XKR6: variants seen among roughly 807,000 people sequenced by gnomAD.
XKR6 encodes the protein XK related 6, also known as XK-related protein 6.
A neutral mutation model predicts 56.7 loss-of-function variants in XKR6; 22 were observed. That is an observed-to-expected ratio of 0.39 (90% confidence interval 0.28 to 0.55). The LOEUF (loss-of-function observed/expected upper bound fraction) is 0.55, where lower values mean the gene tolerates loss of function less well. XKR6 is among the 20% of genes least tolerant of loss of function. XKR6 has a pLI of 0.66. For synonymous variants in XKR6, 524 were observed against 387.8 expected (o/e 1.35, Z -4.13); for missense variants, 852 against 889.0 (o/e 0.96, Z 0.53).
At chr8:11,131,652 G>C (rs1800109455) in intron 1 of XKR6, among the ~76,000 whole-genome samples, 2 of 152,100 alleles carry the variant, frequency 1.3e-5, no homozygotes, top group Non-Finnish European at 2.9e-5. Flanking sequence ...TTCCAGTCAT[G>C]CAACACATTC....
chr8:11,162,953 G>A (rs28530758), intron 1 of XKR6, among the ~76,000 whole-genome samples: 8,304 of 152,166 alleles, frequency 0.055, 662 homozygotes, highest in African/African-American at 0.18. Flanking sequence ...CTAGCTAATC[G>A]TTTTGGACCA....
chr8:10,957,813 T>C (rs1801940327), intron 1 of XKR6, among the ~76,000 whole-genome samples: 1 of 152,052 alleles, frequency 6.6e-6, no homozygotes, highest in African/African-American at 2.4e-5. Context: ...TCCACACAGA[T>C]CATGTTGGTT....
chr8:11,139,633 C>A (rs192155095), intron 1 of XKR6, among the ~76,000 whole-genome samples: 143 of 152,158 alleles, frequency 9.4e-4, no homozygotes, highest in African/African-American at 3.3e-3. Flanking sequence ...AGTGCTGGGA[C>A]TGGATTCAAA....
At chr8:11,003,827 T>C (rs761535798) in intron 1 of XKR6, among the ~76,000 whole-genome samples, 21 of 152,130 alleles carry the variant, frequency 1.4e-4, no homozygotes, top group Non-Finnish European at 2.9e-4. Context: ...GAGAAGGGTG[T>C]GGTTAATTCT....
At chr8:10,955,826 C>T (rs1316351173) in intron 1 of XKR6, among the ~76,000 whole-genome samples, 1 of 152,244 alleles carries the variant, frequency 6.6e-6, no homozygotes, top group African/African-American at 2.4e-5. Context: ...TCCAGGCCCA[C>T]ACTGGACACT....
intron 1 of XKR6, among the ~76,000 whole-genome samples, chr8:11,112,638 G>C (rs760596076): frequency 3.9e-5 from 6 of 152,138 alleles, no homozygotes; most frequent in Non-Finnish European, 7.3e-5. Flanking sequence ...CAACACATCA[G>C]GAGATATGGT....
At chr8:11,180,241 G>A (rs1408206623) in intron 1 of XKR6, among the ~76,000 whole-genome samples, 1 of 152,248 alleles carries the variant, frequency 6.6e-6, no homozygotes, top group African/African-American at 2.4e-5. Context: ...GGAATGAACA[G>A]AACCAGCTTT....
chr8:10,947,226 A>C (rs1358500665), intron 1 of XKR6, among the ~76,000 whole-genome samples: 1 of 152,194 alleles, frequency 6.6e-6, no homozygotes, highest in Non-Finnish European at 1.5e-5. Flanking sequence ...AGAGAAAATG[A>C]AGACACGTCT....
At chr8:11,018,504 C>T (rs146433102) in intron 1 of XKR6, among the ~76,000 whole-genome samples, 1 of 152,184 alleles carries the variant, frequency 6.6e-6, no homozygotes, top group Non-Finnish European at 1.5e-5. Context: ...ATGGGGGTCC[C>T]CAGGGAGAGG....
intron 1 of XKR6, among the ~76,000 whole-genome samples, chr8:11,155,021 C>T (rs1482578421): frequency 2.0e-5 from 3 of 152,300 alleles, no homozygotes; most frequent in Non-Finnish European, 2.9e-5. Context: ...TCATATTATC[C>T]GAGCTGCGTT....
intron 1 of XKR6, chr8:11,035,245 A>G (rs202198879): frequency 1.9e-5 from 10 of 534,536 alleles, no homozygotes; most frequent in Non-Finnish European, 3.8e-5. Context: ...ATGACGTAGC[A>G]CCCCATTTCC....
intron 1 of XKR6, chr8:11,137,381 T>C (rs906121981): frequency 2.9e-6 from 1 of 339,416 alleles, no homozygotes; most frequent in African/African-American, 2.2e-5. Flanking sequence ...ATAATAGAAA[T>C]CTTTCTTCAT....
chr8:10,964,066 A>G (rs184821711), intron 1 of XKR6, among the ~76,000 whole-genome samples: 3 of 152,316 alleles, frequency 2.0e-5, no homozygotes, highest in African/African-American at 7.2e-5. Flanking sequence ...AACACAGAGT[A>G]CCTACCACTC....
intron 1 of XKR6, among the ~76,000 whole-genome samples, chr8:10,944,935 C>G (rs540465409): frequency 9.2e-5 from 14 of 152,262 alleles, no homozygotes; most frequent in African/African-American, 2.4e-4. Flanking sequence ...TTCCAGGGTC[C>G]CAGGGGACAT....
At chr8:11,193,058 G>C (rs528932262) in intron 1 of XKR6, among the ~76,000 whole-genome samples, 2 of 152,224 alleles carry the variant, frequency 1.3e-5, no homozygotes, top group Non-Finnish European at 2.9e-5. Context: ...CTACCCATGA[G>C]TGAAAGCATG....
chr8:10,912,276 G>T (rs1177406230), intron 2 of XKR6, among the ~76,000 whole-genome samples: 2 of 80,286 alleles, frequency 2.5e-5, no homozygotes, highest in African/African-American at 9.2e-5. Flanking sequence ...AGAGAGAAAT[G>T]GTGTGTATAT....
At chr8:11,185,734 G>C (rs747294261) in intron 1 of XKR6, among the ~76,000 whole-genome samples, 1 of 152,144 alleles carries the variant, frequency 6.6e-6, no homozygotes, top group Non-Finnish European at 1.5e-5. Flanking sequence ...ACACTGATGA[G>C]TCTTGGGCAC....
chr8:11,171,543 T>C (rs1424130964), intron 1 of XKR6, among the ~76,000 whole-genome samples: 1 of 152,162 alleles, frequency 6.6e-6, no homozygotes, highest in African/African-American at 2.4e-5. Flanking sequence ...TTCTTACTCT[T>C]AGTCCCCACG....
At chr8:11,098,559 GA>G (rs34070511) in intron 1 of XKR6, among the ~76,000 whole-genome samples, 1 of 152,132 alleles carries the variant, frequency 6.6e-6, no homozygotes, top group Non-Finnish European at 1.5e-5. Flanking sequence ...GAACTATGCC[GA>G]AAAGCTTTCT....
Sources: gnomAD v4.1 joint callset for allele counts (sites outside exome capture counted in the v4.1 genomes callset) on GRCh38, gnomAD v4.1.1 for gene constraint, MANE v1.5 for transcripts, NCBI Gene and HGNC (gene_info 2026-07-23, HGNC 2026-07-21) for gene names.